Variants in IGF1 observed in about 807,000 individuals in gnomAD.
The protein encoded by IGF1 is insulin like growth factor 1, also known as insulin-like growth factor 1.
In IGF1, 4 loss-of-function variants were observed where a neutral mutation model predicts 13.8. That is an observed-to-expected ratio of 0.29 (90% CI 0.14 to 0.66). IGF1 has a LOEUF of 0.66. IGF1 is among the 30% of genes least tolerant of loss of function. The probability of loss-of-function intolerance (pLI) is 0.78; values close to 1 mark genes in which losing one functional copy is unlikely to be tolerated. For missense variants in IGF1, 124 were observed against 188.5 expected (o/e 0.66, Z 2.00); for synonymous variants, 76 against 72.6 (o/e 1.05, Z -0.23).
At chr12:102,474,100 T>C (rs995904151) in intron 2 of IGF1, among the ~76,000 whole-genome samples, 2 of 152,198 alleles carry the variant, frequency 1.3e-5, no homozygotes, top group Non-Finnish European at 2.9e-5. Context: ...TTTTCATTTC[T>C]TTAAAAAATG....
At chr12:102,448,482 T>A (rs1449793780) in intron 2 of IGF1, among the ~76,000 whole-genome samples, 1 of 134,104 alleles carries the variant, frequency 7.5e-6, no homozygotes, top group African/African-American at 2.8e-5. Flanking sequence ...AGGTGGGAAT[T>A]GAACAATGAG....
chr12:102,436,015 T>C (rs1005221781), intron 2 of IGF1, among the ~76,000 whole-genome samples: 3 of 152,238 alleles, frequency 2.0e-5, no homozygotes, highest in Non-Finnish European at 2.9e-5. Flanking sequence ...GGGAAAGACC[T>C]CTTATACTTT....
intron 3 of IGF1, chr12:102,417,953 A>C: frequency 6.2e-7 from 1 of 1,613,342 alleles, no homozygotes; most frequent in Non-Finnish European, 8.5e-7. Context: ...TCTTTGGCCA[A>C]CCTTTCCTTC....
At position 102,401,945 on chromosome 12, in the gene IGF1, G is replaced by A. The variant is rs1807862469; in HGVS notation, c.*562C>T. 6.6e-6 allele frequency: 1 copy of A among 152,642 alleles called. No individual in the cohort carries two copies. The highest frequency in any genetic ancestry group is 2.4e-5 in the African/African-American group (1 of 41,444). 9.5% of individuals were successfully genotyped at this position (152,642 alleles called of 1,614,324 possible). A position where few individuals can be genotyped will look rare whatever the true frequency, so the allele number is the denominator to read the frequency against. The stretch of plus-strand genomic sequence containing the variant: ...TGGAATCTTGTGGGTTAGAATTGGT[G>A]TGCTTCTTGACGACTTGCTGCTGCT... On this transcript the variant is annotated 3_prime_UTR_variant, in exon 4 of 4. Coordinates refer to ENST00000337514, the MANE Select transcript of IGF1 (RefSeq NM_000618.5).
chr12:102,413,294 C>CA (rs1667579322), intron 3 of IGF1, among the ~76,000 whole-genome samples: 1 of 152,040 alleles, frequency 6.6e-6, no homozygotes, highest in Non-Finnish European at 1.5e-5. Flanking sequence ...GTGAATATTG[C>CA]AAAAAAGCAC....
At chr12:102,481,031 A>G (rs1566013300), upstream of IGF1, among the ~76,000 whole-genome samples, 2 of 152,202 alleles carry the variant, frequency 1.3e-5, no homozygotes, top group African/African-American at 4.8e-5. Context: ...TGACTGGGGT[A>G]AAGTAGATTG....
chr12:102,479,421 A>G (rs1032629062), intron 1 of IGF1, among the ~76,000 whole-genome samples: 3 of 152,210 alleles, frequency 2.0e-5, no homozygotes, highest in Admixed American at 6.5e-5. Flanking sequence ...AAAAAACACA[A>G]GTCTTGAAGG....
intron 2 of IGF1, among the ~76,000 whole-genome samples, chr12:102,445,558 A>C (rs1878239114): frequency 6.6e-6 from 1 of 152,156 alleles, no homozygotes; most frequent in South Asian, 2.1e-4. Flanking sequence ...GGTGTATAAG[A>C]ATGCTTGTGA....
chr12:102,463,163 T>C (rs1322836404), intron 2 of IGF1: 1 of 152,160 alleles, frequency 6.6e-6, no homozygotes, highest in African/African-American at 2.4e-5. Context: ...AAATTATCAA[T>C]TGCTCGCTCC....
chr12:102,437,020 T>C (rs928141863), intron 2 of IGF1, among the ~76,000 whole-genome samples: 1 of 152,252 alleles, frequency 6.6e-6, no homozygotes, highest in Admixed American at 6.5e-5. Context: ...CATTTTCCTT[T>C]AAATAAGAAG....
At position 102,457,235 on chromosome 12, in the gene IGF1, C is replaced by T. The variant is rs1006941106; in HGVS notation, c.220+18408G>A. ...TTCTCAAACTCTGCTTAAATTCACT[C>T]AAATTCTGCTTAATTTATTAACAAA... is the stretch of plus-strand genomic sequence containing the variant. On this transcript the variant is annotated intron_variant, in intron 2 of 3. Coordinates refer to ENST00000337514, the MANE Select transcript of IGF1 (RefSeq NM_000618.5). Among the ~76,000 whole-genome samples the T allele has an allele frequency of 2.0e-5, 3 of 152,300 alleles. No individual in the cohort carries two copies. In the South Asian group the frequency reaches 6.2e-4, roughly 32 times the overall value.
chr12:102,407,738 G>A (rs17885578), intron 3 of IGF1, among the ~76,000 whole-genome samples: 38 of 152,180 alleles, frequency 2.5e-4, no homozygotes, highest in Non-Finnish European at 5.4e-4. Flanking sequence ...GGGAAAGGCT[G>A]TGCCATGGGA....
chr12:102,480,978 G>A (rs182007309), upstream of IGF1, among the ~76,000 whole-genome samples: 1 of 152,146 alleles, frequency 6.6e-6, no homozygotes, highest in Admixed American at 6.5e-5. Context: ...AAGAAAGGAC[G>A]ATAAGACCCT....
At chr12:102,442,665 A>G (rs1371717401) in intron 2 of IGF1, among the ~76,000 whole-genome samples, 1 of 152,150 alleles carries the variant, frequency 6.6e-6, no homozygotes, top group African/African-American at 2.4e-5. Context: ...ATAACAGGAA[A>G]AAAAGGCAAG....
In IGF1 at chr12:102,396,827, C is replaced by A. The variant is rs755010124; in HGVS notation, c.*5680G>T. The A allele has an allele frequency of 5.0e-6, 2 of 396,280 alleles. No individual in the cohort carries two copies. The highest frequency in any genetic ancestry group is 8.9e-6 in the Non-Finnish European group (2 of 225,464). 24.5% of individuals were successfully genotyped at this position (396,280 alleles called of 1,614,324 possible). A position where few individuals can be genotyped will look rare whatever the true frequency, so the allele number is the denominator to read the frequency against. On this transcript the variant is annotated 3_prime_UTR_variant, in exon 4 of 4. Transcript: ENST00000337514. ...ACTTTAAAAAAGCTTGGATTTTTTT[C>A]CCCTTGAAAGACCCCATCAAAGATA...
chr12:102,461,626 G>A (rs1461638867), intron 2 of IGF1, among the ~76,000 whole-genome samples: 1 of 152,072 alleles, frequency 6.6e-6, no homozygotes, highest in African/African-American at 2.4e-5. Context: ...AAAGAAACTG[G>A]CAAGATCTTA....
At chr12:102,481,122 A>G (rs1881365417), upstream of IGF1, among the ~76,000 whole-genome samples, 1 of 152,184 alleles carries the variant, frequency 6.6e-6, no homozygotes, top group African/African-American at 2.4e-5. Context: ...ATGGAGGGGC[A>G]GGCAGCATTG....
intron 2 of IGF1, among the ~76,000 whole-genome samples, chr12:102,438,524 A>T (rs999734935): frequency 6.6e-6 from 1 of 152,246 alleles, no homozygotes; most frequent in Non-Finnish European, 1.5e-5. Context: ...AATCTGTTTC[A>T]TGGTACTGAA....
intron 3 of IGF1, among the ~76,000 whole-genome samples, chr12:102,409,220 A>G (rs192351828): frequency 6.6e-6 from 1 of 152,178 alleles, no homozygotes; most frequent in Non-Finnish European, 1.5e-5. Flanking sequence ...AAAAACCTTG[A>G]ACCTAATTGT....
Sources: allele counts gnomAD v4.1 joint callset (sites outside exome capture counted in the v4.1 genomes callset), GRCh38; gene constraint gnomAD v4.1.1; transcripts MANE v1.5; gene names NCBI Gene and HGNC (gene_info 2026-07-23, HGNC 2026-07-21).